DCC: variants seen among roughly 807,000 people sequenced by gnomAD.
The protein encoded by DCC is DCC netrin 1 receptor.
A neutral mutation model predicts 172.5 loss-of-function variants in DCC; 58 were observed. That is an observed-to-expected ratio of 0.34 (90% CI 0.27 to 0.42). The LOEUF (loss-of-function observed/expected upper bound fraction) is 0.42, where lower values mean the gene tolerates loss of function less well. DCC is among the 10% of genes least tolerant of loss of function. The pLI is 1.00. For synonymous variants in DCC, 709 were observed against 644.5 expected (o/e 1.10, Z -1.52); for missense variants, 1,740 against 1,791.0 (o/e 0.97, Z 0.51).
At chr18:53,363,477 A>T (rs2057970221) in intron 15 of DCC, among the ~76,000 whole-genome samples, 1 of 152,206 alleles carries the variant, frequency 6.6e-6, no homozygotes, top group Admixed American at 6.5e-5. Flanking sequence ...TCAGAAGAAT[A>T]AAGGTATGCA....
chr18:52,389,082 G>A (rs539265083), intron 1 of DCC, among the ~76,000 whole-genome samples: 2 of 152,164 alleles, frequency 1.3e-5, no homozygotes, highest in East Asian at 1.9e-4. Flanking sequence ...ACTGCTCAGC[G>A]CTGGCTGCAT....
intron 5 of DCC, among the ~76,000 whole-genome samples, chr18:52,947,559 G>A (rs1456024855): frequency 6.6e-6 from 1 of 152,198 alleles, no homozygotes; most frequent in Admixed American, 6.5e-5. Context: ...CTGCGAAGGT[G>A]TAACTACACG....
chr18:53,118,359 G>A (rs916100160), intron 7 of DCC, among the ~76,000 whole-genome samples: 1 of 151,696 alleles, frequency 6.6e-6, no homozygotes, highest in Non-Finnish European at 1.5e-5. Context: ...CGTATATAAA[G>A]CATGTAGTTT....
chr18:53,334,362 G>T (rs1381233997), intron 14 of DCC, among the ~76,000 whole-genome samples: 1 of 152,058 alleles, frequency 6.6e-6, no homozygotes, highest in Non-Finnish European at 1.5e-5. Context: ...TAGTAACCTG[G>T]TCTGTAAGTG....
intron 12 of DCC, among the ~76,000 whole-genome samples, chr18:53,235,542 A>G (rs566788349): frequency 5.9e-5 from 9 of 152,276 alleles, no homozygotes; most frequent in African/African-American, 2.2e-4. Flanking sequence ...TATCAGTTAG[A>G]GCAGAAAAAA....
chr18:52,508,011 G>A (rs1007476820), intron 1 of DCC, among the ~76,000 whole-genome samples: 6 of 152,022 alleles, frequency 3.9e-5, no homozygotes, highest in African/African-American at 1.2e-4. Context: ...TGAGACAGGA[G>A]AATTACTTGA....
At chr18:52,861,539 T>G (rs2039142256) in intron 2 of DCC, among the ~76,000 whole-genome samples, 1 of 152,202 alleles carries the variant, frequency 6.6e-6, no homozygotes, top group South Asian at 2.1e-4. Context: ...GATAGAAGGG[T>G]AAATATTTCA....
chr18:52,814,825 G>T (rs1045369994), intron 2 of DCC, among the ~76,000 whole-genome samples: 3 of 152,164 alleles, frequency 2.0e-5, no homozygotes, highest in Non-Finnish European at 4.4e-5. Flanking sequence ...AATTGTGCAT[G>T]ATTCTCTGAA....
At chr18:52,733,491 C>T (rs996053488) in intron 1 of DCC, among the ~76,000 whole-genome samples, 9 of 151,872 alleles carry the variant, frequency 5.9e-5, no homozygotes, top group African/African-American at 1.5e-4. Context: ...CAATAAACAC[C>T]GCCTTTTTTT....
intron 1 of DCC, among the ~76,000 whole-genome samples, chr18:52,607,773 T>C (rs1430704710): frequency 6.6e-6 from 1 of 152,168 alleles, no homozygotes; most frequent in East Asian, 1.9e-4. Context: ...TTGATATCAA[T>C]GCAATGTAAA....
intron 2 of DCC, among the ~76,000 whole-genome samples, chr18:52,806,701 A>G (rs1356400184): frequency 1.3e-5 from 2 of 152,144 alleles, no homozygotes; most frequent in Admixed American, 1.3e-4. Context: ...TCTTTCTGTC[A>G]CTTTATGGCT....
chr18:52,831,729 C>G (rs537994383), intron 2 of DCC, among the ~76,000 whole-genome samples: 1 of 152,064 alleles, frequency 6.6e-6, no homozygotes, highest in Non-Finnish European at 1.5e-5. Flanking sequence ...TTGGACAAGA[C>G]AAGTTTCAAC....
intron 12 of DCC, among the ~76,000 whole-genome samples, chr18:53,246,491 ATT>A (rs1393873488): frequency 6.6e-6 from 1 of 151,900 alleles, no homozygotes; most frequent in African/African-American, 2.4e-5. Context: ...ATATTTCTTT[ATT>A]TTATCTGGAC....
intron 13 of DCC, among the ~76,000 whole-genome samples, chr18:53,316,883 C>T (rs1018375270): frequency 6.6e-6 from 1 of 152,226 alleles, no homozygotes; most frequent in Non-Finnish European, 1.5e-5. Flanking sequence ...ACAATTAGGT[C>T]ATCTGCAAAC....
chr18:52,498,888 C>T (rs1343414250), intron 1 of DCC, among the ~76,000 whole-genome samples: 2 of 152,106 alleles, frequency 1.3e-5, no homozygotes, highest in African/African-American at 2.4e-5. Flanking sequence ...TAATTACTTA[C>T]TTTACTTATG....
At chr18:52,696,419 A>C (rs2036012446) in intron 1 of DCC, among the ~76,000 whole-genome samples, 1 of 152,186 alleles carries the variant, frequency 6.6e-6, no homozygotes, top group African/African-American at 2.4e-5. Flanking sequence ...TGATCACCCC[A>C]AATTCTTAGA....
intron 12 of DCC, among the ~76,000 whole-genome samples, chr18:53,230,995 T>TG (rs1412898597): frequency 1.3e-5 from 2 of 152,020 alleles, no homozygotes; most frequent in Non-Finnish European, 2.9e-5. Context: ...TTGGTGTTTT[T>TG]TTTTCTGAGA....
At chr18:52,940,743 A>G (rs1201460928) in intron 5 of DCC, among the ~76,000 whole-genome samples, 1 of 152,202 alleles carries the variant, frequency 6.6e-6, no homozygotes, top group Admixed American at 6.5e-5. Context: ...ACTTATTTCT[A>G]GAAGAAAAGA....
intron 6 of DCC, 45 bp downstream of exon 6, chr18:53,063,504 T>G: frequency 6.9e-7 from 1 of 1,443,786 alleles, no homozygotes; most frequent in Non-Finnish European, 9.6e-7. Context: ...CATTCATTGT[T>G]TTCTATTTTT....
Sources: allele counts gnomAD v4.1 joint callset (sites outside exome capture counted in the v4.1 genomes callset), GRCh38; gene constraint gnomAD v4.1.1; transcripts MANE v1.5; gene names NCBI Gene and HGNC (gene_info 2026-07-23, HGNC 2026-07-21).